Variants in JMJD1C observed in about 807,000 individuals in gnomAD.
JMJD1C encodes jumonji domain containing 1C, also known as jumonji domain-containing protein 1C.
JMJD1C carries 31 observed loss-of-function variants against 245.3 expected under a neutral mutation model. The ratio of observed to expected loss-of-function variants is 0.13; its 90% confidence interval spans 0.09 to 0.17. The LOEUF is 0.17. Ranked by LOEUF, JMJD1C falls within the 10% of genes least tolerant of loss-of-function variation. The pLI, the probability that JMJD1C is intolerant of heterozygous loss-of-function variation, is 1.00. For synonymous variants in JMJD1C, 1,057 were observed against 1,017.4 expected (o/e 1.04, Z -0.74); for missense variants, 2,691 against 3,000.2 (o/e 0.90, Z 2.41).
At chr10:63,386,783 C>A (rs1947633817) in intron 1 of JMJD1C, among the ~76,000 whole-genome samples, 1 of 152,160 alleles carries the variant, frequency 6.6e-6, no homozygotes, top group African/African-American at 2.4e-5. Flanking sequence ...GCCTACCGCC[C>A]AGGGCCCAGT....
intron 2 of JMJD1C, among the ~76,000 whole-genome samples, chr10:63,376,605 C>T (rs1946762429): frequency 6.6e-6 from 1 of 152,014 alleles, no homozygotes; most frequent in Admixed American, 6.6e-5. Context: ...AATTCAAAAA[C>T]AGGCAAAGAA....
chr10:63,354,866 A>C (rs1032867157), intron 2 of JMJD1C, among the ~76,000 whole-genome samples: 2 of 150,400 alleles, frequency 1.3e-5, no homozygotes, highest in African/African-American at 2.5e-5. Context: ...ACAAAAAAAA[A>C]AAAAAAAAAA....
chr10:63,328,393 T>C (rs1457264217), intron 2 of JMJD1C, among the ~76,000 whole-genome samples: 3 of 152,182 alleles, frequency 2.0e-5, no homozygotes, highest in Middle Eastern at 3.2e-3. Context: ...TTGATAACCT[T>C]TGATTTTGCA....
At chr10:63,474,759 T>C (rs940321700) in intron 1 of JMJD1C, among the ~76,000 whole-genome samples, 5 of 151,948 alleles carry the variant, frequency 3.3e-5, no homozygotes, top group African/African-American at 7.3e-5. Context: ...CCAAAACAAT[T>C]TGTTAAACAG....
intron 1 of JMJD1C, among the ~76,000 whole-genome samples, chr10:63,432,149 T>C (rs936099915): frequency 3.9e-5 from 6 of 152,166 alleles, no homozygotes; most frequent in Admixed American, 1.3e-4. Context: ...TCTGGCAAAC[T>C]CTCCTCACTA....
At chr10:63,216,385 T>G (rs1847978074) in intron 5 of JMJD1C, among the ~76,000 whole-genome samples, 1 of 151,960 alleles carries the variant, frequency 6.6e-6, no homozygotes, top group East Asian at 1.9e-4. Flanking sequence ...AAAAAAAAAT[T>G]TGAAATCTCA....
chr10:63,275,808 G>A (rs1251707332), intron 2 of JMJD1C, among the ~76,000 whole-genome samples: 3 of 152,112 alleles, frequency 2.0e-5, no homozygotes, highest in Admixed American at 6.6e-5. Context: ...CTATTTAAGT[G>A]CACTTTCAGC....
chr10:63,475,408 G>A (rs986761117), intron 1 of JMJD1C, among the ~76,000 whole-genome samples: 10 of 152,188 alleles, frequency 6.6e-5, no homozygotes, highest in African/African-American at 1.9e-4. Flanking sequence ...AATAGTTAGC[G>A]CTACCTTAAA....
upstream of JMJD1C, among the ~76,000 whole-genome samples, chr10:63,469,004 A>T (rs1337491539): frequency 1.3e-5 from 2 of 152,080 alleles, no homozygotes; most frequent in African/African-American, 4.8e-5. Flanking sequence ...TTTTTAAAAA[A>T]CTGACTTATA....
chr10:63,383,971 G>GT (rs1947403374), intron 1 of JMJD1C, among the ~76,000 whole-genome samples: 1 of 152,192 alleles, frequency 6.6e-6, no homozygotes, highest in South Asian at 2.1e-4. Context: ...ATGCAATATT[G>GT]TTGGCCACTT....
chr10:63,244,867 T>C (rs1589266185), intron 3 of JMJD1C, among the ~76,000 whole-genome samples: 1 of 151,148 alleles, frequency 6.6e-6, no homozygotes, highest in African/African-American at 2.4e-5. Flanking sequence ...CTGGGTGCGG[T>C]GGCTCACGCC....
intron 24 of JMJD1C, among the ~76,000 whole-genome samples, chr10:63,173,084 G>GA (rs1842532294): frequency 6.6e-6 from 1 of 151,876 alleles, no homozygotes; most frequent in African/African-American, 2.4e-5. Context: ...GGAACTGGGG[G>GA]AAAAATGTGA....
chr10:63,183,464 C>T lies in JMJD1C; in HGVS notation c.7067G>A (p.Gly2356Asp). ...AAGTTTACCTGCTTTTGAGAGAATG[C>T]CATTTCCTTTTGCTATGCCAACATA... ...LVYVGIAKGN[G>D]ILSKAGILKK... Residue 2356 changes from glycine (G) to aspartate (D), a missense_variant, in exon 22 of 26, where the codon GGC (glycine) becomes GAC (aspartate). Around this residue, in one of 9 missense-constraint regions of JMJD1C, gnomAD observed 232 missense variants for 416.1 expected, o/e 0.56. Coordinates refer to ENST00000399262, the MANE Select transcript of JMJD1C (RefSeq NM_032776.3). 1 of 1,603,756 alleles carries T rather than the reference C, an allele frequency of 6.2e-7. No homozygotes were observed.
intron 18 of JMJD1C, among the ~76,000 whole-genome samples, chr10:63,187,092 G>A (rs566447858): frequency 1.1e-4 from 17 of 150,936 alleles, no homozygotes; most frequent in Non-Finnish European, 1.8e-4. Flanking sequence ...TAAAATATAG[G>A]AACCACAAAA....
chr10:63,226,093 G>A (rs1000046046), intron 3 of JMJD1C, among the ~76,000 whole-genome samples: 15 of 151,896 alleles, frequency 9.9e-5, no homozygotes, highest in Non-Finnish European at 1.3e-4. Context: ...ATATGTAAGG[G>A]GTAAAAGGCA....
At chr10:63,183,898 A>G (rs1221559549) in intron 21 of JMJD1C, among the ~76,000 whole-genome samples, 3 of 152,242 alleles carry the variant, frequency 2.0e-5, no homozygotes, top group Non-Finnish European at 2.9e-5. Flanking sequence ...CAGATTTAGT[A>G]GAAACTAAAA....
At position 63,207,957 on chromosome 10, in the gene JMJD1C, C is replaced by CTGG; in HGVS notation, c.3709_3711dup (p.Pro1237dup). ...TCTTGAACTTTACCACCAGCATTTA[C>CTGG]TGGCATCACCGGAGTTAAAGTTGGA... On this transcript the variant is annotated inframe_insertion, in exon 10 of 26. Transcript: ENST00000399262. 1.2e-6 allele frequency: 2 copies of CTGG among 1,614,070 alleles called. No individual in the cohort carries two copies. The highest frequency in any genetic ancestry group is 3.3e-5 in the Admixed American group (2 of 60,000).
chr10:63,496,951 G>T (rs1266483360), intron 1 of JMJD1C, among the ~76,000 whole-genome samples: 1 of 152,192 alleles, frequency 6.6e-6, no homozygotes. Context: ...GATGAAAAGA[G>T]AGGTAAGACA....
At chr10:63,475,041 T>C (rs1453581071) in intron 1 of JMJD1C, among the ~76,000 whole-genome samples, 2 of 152,172 alleles carry the variant, frequency 1.3e-5, no homozygotes, top group African/African-American at 4.8e-5. Flanking sequence ...CATCATATAG[T>C]GATGGTTAAG....
Sources: allele counts gnomAD v4.1 joint callset (sites outside exome capture counted in the v4.1 genomes callset), GRCh38; gene constraint gnomAD v4.1.1; regional missense constraint gnomAD v4.1.1; transcripts MANE v1.5; gene names NCBI Gene and HGNC (gene_info 2026-07-23, HGNC 2026-07-21).